Variants in CTNNA2 observed in about 807,000 individuals in gnomAD.
The protein encoded by CTNNA2 is catenin alpha 2.
In CTNNA2, 42 loss-of-function variants were observed where a neutral mutation model predicts 101.0. The observed-to-expected ratio is 0.42, with a 90% confidence interval of 0.32 to 0.54. The LOEUF (loss-of-function observed/expected upper bound fraction) is 0.54. CTNNA2 is among the 20% of genes least tolerant of loss of function. The probability of loss-of-function intolerance (pLI) is 0.14; values close to 1 mark genes in which losing one functional copy is unlikely to be tolerated. For synonymous variants in CTNNA2, 450 were observed against 456.4 expected (o/e 0.99, Z 0.18); for missense variants, 871 against 1,223.1 (o/e 0.71, Z 4.29).
intron 7 of CTNNA2, among the ~76,000 whole-genome samples, chr2:80,137,948 C>T (rs187553025): frequency 1.0e-3 from 157 of 152,224 alleles, no homozygotes; most frequent in Admixed American, 2.0e-3. Flanking sequence ...GAAGAATTAG[C>T]TGTTAGAGCT....
chr2:80,228,564 C>A (rs937761903), intron 7 of CTNNA2, among the ~76,000 whole-genome samples: 2 of 152,080 alleles, frequency 1.3e-5, no homozygotes, highest in Non-Finnish European at 2.9e-5. Context: ...GATTATAATA[C>A]CCTATTTTTA....
intron 4 of CTNNA2, chr2:79,499,389 T>A (rs990194728): frequency 8.5e-5 from 13 of 152,234 alleles, no homozygotes; most frequent in African/African-American, 2.9e-4. Flanking sequence ...ATACCTTGTC[T>A]GTGTACATCT....
chr2:80,466,593 T>A (rs1435995889), intron 9 of CTNNA2, among the ~76,000 whole-genome samples: 4 of 152,192 alleles, frequency 2.6e-5, no homozygotes, highest in African/African-American at 9.6e-5. Flanking sequence ...AAGACTTGTT[T>A]TGTCCACATA....
chr2:80,387,393 A>T (rs1677118701), intron 7 of CTNNA2, among the ~76,000 whole-genome samples: 1 of 152,154 alleles, frequency 6.6e-6, no homozygotes, highest in Non-Finnish European at 1.5e-5. Flanking sequence ...ATTATTCAGC[A>T]TGTTTATATA....
chr2:80,034,354 C>CTTTTTTTTTTTTTT (rs1199616310), intron 7 of CTNNA2, among the ~76,000 whole-genome samples: 2 of 54,080 alleles, frequency 3.7e-5, no homozygotes, highest in Non-Finnish European at 1.0e-4. Flanking sequence ...ATTTTTTTTT[C>CTTTTTTTTTTTTTT]TTTTTTTTTT....
intron 3 of CTNNA2, among the ~76,000 whole-genome samples, chr2:79,339,254 A>G (rs2104426597): frequency 6.6e-6 from 1 of 152,348 alleles, no homozygotes; most frequent in East Asian, 1.9e-4. Flanking sequence ...GATCATTTTC[A>G]TAGAATCCAA....
chr2:80,365,611 A>G (rs992848815), intron 7 of CTNNA2, among the ~76,000 whole-genome samples: 26 of 151,308 alleles, frequency 1.7e-4, no homozygotes, highest in Non-Finnish European at 5.9e-5. Context: ...TATGGTCTTC[A>G]TAGTGTTTCT....
intron 1 of CTNNA2, among the ~76,000 whole-genome samples, chr2:79,525,152 A>T (rs560213518): frequency 1.3e-5 from 2 of 151,914 alleles, no homozygotes; most frequent in African/African-American, 4.8e-5. Flanking sequence ...TTCCACATCC[A>T]TCATTGTTTG....
intron 3 of CTNNA2, among the ~76,000 whole-genome samples, chr2:79,811,026 C>A (rs373962308): frequency 3.3e-5 from 5 of 151,040 alleles, no homozygotes; most frequent in South Asian, 2.1e-4. Flanking sequence ...GATTTATAAT[C>A]CTTTGGGTAT....
rs60344954 is a variant in CTNNA2, at chr2:80,214,447, G to T, written c.1057-178764G>T. 8.0e-3 allele frequency among the ~76,000 whole-genome samples: 1,217 copies of T among 152,186 alleles called. 14 individuals are homozygous for T. The highest frequency in any genetic ancestry group is 0.028 in the African/African-American group (1,154 of 41,524). ...TCTCAGCATTTGCTTGTCTGTAAAG[G>T]ATTTTATTTCTCCTTCACTTATGAA... On this transcript the variant is annotated intron_variant, in intron 7 of 18. Transcript: ENST00000402739.
chr2:79,363,005 A>G (rs967144028), intron 3 of CTNNA2, among the ~76,000 whole-genome samples: 1 of 152,236 alleles, frequency 6.6e-6, no homozygotes, highest in Non-Finnish European at 1.5e-5. Flanking sequence ...CATCAGACAA[A>G]TATAAGTTCT....
At chr2:79,827,700 C>T (rs6734305) in intron 3 of CTNNA2, among the ~76,000 whole-genome samples, 74,206 of 152,024 alleles carry the variant, frequency 0.49, 18,635 homozygotes, top group African/African-American at 0.61. Context: ...TCATTATATG[C>T]CATTGGGCAC....
At chr2:80,104,460 T>G (rs1441394045) in intron 7 of CTNNA2, among the ~76,000 whole-genome samples, 1 of 152,168 alleles carries the variant, frequency 6.6e-6, no homozygotes, top group Non-Finnish European at 1.5e-5. Flanking sequence ...CTCTGTTTGG[T>G]CTTTGCAGCC....
chr2:79,722,291 G>A (rs917091726), intron 2 of CTNNA2, among the ~76,000 whole-genome samples: 3 of 152,150 alleles, frequency 2.0e-5, no homozygotes, highest in African/African-American at 4.8e-5. Context: ...AAATGGGCCA[G>A]CCAAAAGTGT....
chr2:79,535,406 A>T lies in CTNNA2; in HGVS notation c.-6+22199A>T, dbSNP rs191336748. Among the ~76,000 whole-genome samples the T allele has an allele frequency of 3.3e-3, 507 of 151,896 alleles. 2 individuals carry two copies. Among genetic ancestry groups the T allele is most frequent in the African/African-American group, 0.011 (469 of 41,380 alleles). ...TTTTTAGTAGAGACAGGGTTTCACC[A>T]TGTTGGCCAGGCTGGTCTCGAACTC... On this transcript the variant is annotated intron_variant, in intron 1 of 18. Coordinates refer to ENST00000402739, the MANE Select transcript of CTNNA2 (RefSeq NM_001282597.3).
At chr2:79,666,673 T>C (rs1682443134) in intron 2 of CTNNA2, among the ~76,000 whole-genome samples, 1 of 152,202 alleles carries the variant, frequency 6.6e-6, no homozygotes, top group Admixed American at 6.5e-5. Flanking sequence ...TCTTTTTGCA[T>C]TGAGACTGAG....
rs1235901050 is a variant in CTNNA2, at chr2:80,647,925, C to G, written c.*53C>G. 6.6e-7 allele frequency: 1 copy of G among 1,505,030 alleles called. No homozygotes were observed. The highest frequency in any genetic ancestry group is 1.4e-5 in the African/African-American group (1 of 71,274). 93.2% of individuals were successfully genotyped at this position (1,505,030 alleles called of 1,614,324 possible). Reference sequence around the variant, plus strand: ...TTCTTTCTTTTCTTTCTTTCTTTTTCTTTTTAATTCCATTTTTGTATGCAT... The same window carrying G: ...TTCTTTCTTTTCTTTCTTTCTTTTTGTTTTTAATTCCATTTTTGTATGCAT... On this transcript the variant is annotated 3_prime_UTR_variant, in exon 19 of 19. Transcript: ENST00000402739.
At chr2:80,525,843 GT>G (rs1559182468) in intron 9 of CTNNA2, among the ~76,000 whole-genome samples, 2 of 152,142 alleles carry the variant, frequency 1.3e-5, no homozygotes, top group East Asian at 3.9e-4. Flanking sequence ...GGTGCAATAC[GT>G]GTGCCTGGGA....
intron 7 of CTNNA2, among the ~76,000 whole-genome samples, chr2:79,924,090 A>G (rs1198970407): frequency 6.6e-6 from 1 of 152,150 alleles, no homozygotes. Context: ...ATGAATGGAT[A>G]AAGAAAATGT....
Sources: allele counts gnomAD v4.1 joint callset (sites outside exome capture counted in the v4.1 genomes callset), GRCh38; gene constraint gnomAD v4.1.1; transcripts MANE v1.5; gene names NCBI Gene and HGNC (gene_info 2026-07-23, HGNC 2026-07-21).